MTHFD1L: variants seen among roughly 807,000 people sequenced by gnomAD.
MTHFD1L encodes the protein methylenetetrahydrofolate dehydrogenase (NADP+ dependent) 1 like.
MTHFD1L carries 81 observed loss-of-function variants against 119.5 expected under a neutral mutation model. The observed-to-expected ratio is 0.68, with a 90% CI of 0.57 to 0.82. The LOEUF (loss-of-function observed/expected upper bound fraction) is 0.82, where lower values mean the gene tolerates loss of function less well. Ranked by LOEUF, MTHFD1L falls within the 40% of genes least tolerant of loss-of-function variation. MTHFD1L has a pLI of 0.00. For missense variants in MTHFD1L, 1,125 were observed against 1,253.4 expected (o/e 0.90, Z 1.55); for synonymous variants, 430 against 475.2 (o/e 0.90, Z 1.24).
At position 150,877,808 on chromosome 6, in the gene MTHFD1L, A is replaced by G; in HGVS notation, c.399A>G (p.Pro133=). ...ACATCACTCACATTTGCCTCCCTCC[A>G]GATAGCAGTGAAGCCGAGGTAATAA... is the stretch of plus-strand genomic sequence containing the variant. ...GLNITHICLP[P]DSSEAEIIDE... Residue 133 remains proline (P), a synonymous_variant, in exon 4 of 28, where the codon CCA becomes CCG. Transcript: ENST00000367321. The G allele has an allele frequency of 2.5e-6, 4 of 1,614,238 alleles. No individual in the cohort carries two copies. The highest frequency in any genetic ancestry group is 3.4e-6 in the Non-Finnish European group (4 of 1,180,052).
At chr6:150,896,636 T>G (rs546714917) in intron 7 of MTHFD1L, among the ~76,000 whole-genome samples, 43 of 152,306 alleles carry the variant, frequency 2.8e-4, no homozygotes, top group African/African-American at 1.0e-3. Flanking sequence ...AGCTCACCAC[T>G]TTCCCCTCTT....
chr6:150,871,472 T>TG (rs1036912263), intron 1 of MTHFD1L, among the ~76,000 whole-genome samples: 1 of 150,026 alleles, frequency 6.7e-6, no homozygotes, highest in African/African-American at 2.4e-5. Context: ...CTTTACCAAG[T>TG]ACTTGATATC....
Position 150,922,266 on chromosome 6 carries a change from A to G in MTHFD1L, c.1046A>G (p.His349Arg). ...CAGCAGCACAGGCGGTGGAGACTTCACTGCTTGAAACTTCAGCCTCTCTCC... is the reference window on the plus strand; with the variant it reads ...CAGCAGCACAGGCGGTGGAGACTTCGCTGCTTGAAACTTCAGCCTCTCTCC... ...REQQHRRWRLHCLKLQPLSPV... is the reference protein window; with the variant it reads ...REQQHRRWRLRCLKLQPLSPV... Residue 349 changes from histidine to arginine, a missense_variant, in exon 10 of 28, where the codon CAC becomes CGC. Coordinates refer to ENST00000367321, the MANE Select transcript of MTHFD1L (RefSeq NM_015440.5). 1 of 1,614,046 alleles carries G rather than the reference A, an allele frequency of 6.2e-7. No individual in the cohort carries two copies. The highest frequency in any genetic ancestry group is 8.5e-7 in the Non-Finnish European group (1 of 1,179,944).
chr6:151,089,518 G>A (rs188092481), intron 26 of MTHFD1L, among the ~76,000 whole-genome samples: 10 of 152,300 alleles, frequency 6.6e-5, no homozygotes, highest in East Asian at 3.9e-4. Flanking sequence ...CAGGAGAATC[G>A]CTTGAACCCG....
At chr6:151,044,445 G>A (rs1009397074) in intron 26 of MTHFD1L, among the ~76,000 whole-genome samples, 2 of 151,880 alleles carry the variant, frequency 1.3e-5, no homozygotes, top group South Asian at 2.1e-4. Flanking sequence ...GGGATTACAG[G>A]TGGCCGCCAC....
chr6:151,032,477 C>T (rs1387837899), intron 24 of MTHFD1L, among the ~76,000 whole-genome samples: 3 of 152,054 alleles, frequency 2.0e-5, no homozygotes, highest in Admixed American at 6.6e-5. Flanking sequence ...GGGATCCGCC[C>T]CCGTGATCCA....
rs573033258 is a variant in MTHFD1L, at chr6:150,866,352, G to C, written c.227+303G>C. On this transcript the variant is annotated intron_variant, in intron 1 of 27. Coordinates refer to ENST00000367321, the MANE Select transcript of MTHFD1L (RefSeq NM_015440.5). ...GGCTCCACGTGCGCAGCCGGCCGCC[G>C]GCTCTGATGCAATCGCGCCGGGCGC... 1,309 of 1,427,528 alleles carry C rather than the reference G, an allele frequency of 9.2e-4. 11 individuals are homozygous for C. In the African/African-American group the frequency reaches 0.017, roughly 19 times the overall value. 88.4% of individuals were successfully genotyped at this position (1,427,528 alleles called of 1,614,324 possible).
chr6:150,881,852 AGCTTTCTTTC>A (rs962350449), intron 4 of MTHFD1L, among the ~76,000 whole-genome samples: 1 of 152,188 alleles, frequency 6.6e-6, no homozygotes, highest in African/African-American at 2.4e-5. Context: ...AATGAAACAA[AGCTTTCTTTC>A]TGATTTTGTA....
intron 7 of MTHFD1L, among the ~76,000 whole-genome samples, chr6:150,903,255 T>G (rs1785372536): frequency 7.9e-6 from 1 of 125,996 alleles, no homozygotes; most frequent in Admixed American, 9.6e-5. Context: ...TCTTGCTCCA[T>G]CGCCCAGGCT....
chr6:150,913,262 G>A (rs972332723), intron 8 of MTHFD1L, among the ~76,000 whole-genome samples: 3 of 151,918 alleles, frequency 2.0e-5, no homozygotes, highest in East Asian at 1.9e-4. Context: ...CCGGGTTCAC[G>A]CCATTCTCCT....
chr6:151,060,270 C>T (rs781619990), intron 26 of MTHFD1L, among the ~76,000 whole-genome samples: 9 of 152,154 alleles, frequency 5.9e-5, no homozygotes, highest in Non-Finnish European at 1.0e-4. Context: ...CTCAGATGAA[C>T]GGAGATGATT....
intron 26 of MTHFD1L, among the ~76,000 whole-genome samples, chr6:151,040,777 C>T (rs967713751): frequency 6.6e-6 from 1 of 152,154 alleles, no homozygotes; most frequent in African/African-American, 2.4e-5. Context: ...AACAAATATA[C>T]AATGTGAATC....
At chr6:150,872,925 G>A (rs1299072762) in intron 1 of MTHFD1L, among the ~76,000 whole-genome samples, 2 of 151,194 alleles carry the variant, frequency 1.3e-5, no homozygotes, top group African/African-American at 4.9e-5. Context: ...GCCTCCCAAA[G>A]TGCTGGGATT....
Position 150,876,071 on chromosome 6 carries a change from G to A in MTHFD1L, c.228-19G>A, listed in dbSNP as rs766172912. On this transcript the variant is annotated intron_variant, in intron 1 of 27. Transcript: ENST00000367321. ...TCATTAACCAAGAAATCACAATGTT[G>A]TTTTCTTTCTCAATGTAGAGAAGTC... 6.4e-7 allele frequency: 1 copy of A among 1,556,384 alleles called. No homozygotes were observed.
chr6:150,974,839 C>G (rs546351884), intron 20 of MTHFD1L, among the ~76,000 whole-genome samples: 1 of 151,802 alleles, frequency 6.6e-6, no homozygotes. Context: ...CAGGTTCAAG[C>G]GATCCTCCTA....
chr6:150,982,882 T>C (rs1039288262), intron 20 of MTHFD1L, among the ~76,000 whole-genome samples: 1 of 152,132 alleles, frequency 6.6e-6, no homozygotes, highest in Non-Finnish European at 1.5e-5. Flanking sequence ...GTATTTTTAG[T>C]AGAGATGGGG....
Position 151,039,497 on chromosome 6 carries a change from T to A in MTHFD1L, c.2847+2380T>A, listed in dbSNP as rs9478165. ...TCAAACTCCTGGGCTCAAGCAATCC[T>A]CCCACCTCAGCTTCCCAAGTAGCTG... On this transcript the variant is annotated intron_variant, in intron 26 of 27. Coordinates refer to ENST00000367321, the MANE Select transcript of MTHFD1L (RefSeq NM_015440.5). The surrounding 1 kb of genome is among the most constrained non-coding windows in gnomAD (Gnocchi z 4.4). Among the ~76,000 whole-genome samples, 1,326 of 152,236 alleles carry A rather than the reference T, an allele frequency of 8.7e-3. 17 individuals carry two copies. Among genetic ancestry groups the A allele is most frequent in the African/African-American group, 0.03 (1,254 of 41,532 alleles).
At position 150,926,173 on chromosome 6, in the gene MTHFD1L, C is replaced by T. The variant is rs1165981911; in HGVS notation, c.1134C>T (p.Ala378=). Residue 378 remains alanine (A), a synonymous_variant, in exon 11 of 28, where the codon GCC becomes GCT. Coordinates refer to ENST00000367321, the MANE Select transcript of MTHFD1L (RefSeq NM_015440.5). The surrounding 1 kb of genome is among the most constrained non-coding windows in gnomAD (Gnocchi z 4.3). ...CTCCAAAAGCTGTGGATGTCCTTGC[C>T]AAGGAGATTGGATTGCTTGCAGATG... ...GQTPKAVDVL[A]KEIGLLADEI... 1 of 1,614,002 alleles carries T rather than the reference C, an allele frequency of 6.2e-7. No individual in the cohort carries two copies. Among genetic ancestry groups the T allele is most frequent in the South Asian group, 1.1e-5 (1 of 91,060 alleles).
chr6:150,884,346 T>TAGCCAGGATGGTCTCG (rs1285771254), intron 5 of MTHFD1L, among the ~76,000 whole-genome samples: 1 of 151,962 alleles, frequency 6.6e-6, no homozygotes, highest in East Asian at 2.0e-4. Context: ...TTCACCGTGT[T>TAGCCAGGATGGTCTCG]AGCCAGGATG....
Sources: allele counts gnomAD v4.1 joint callset (sites outside exome capture counted in the v4.1 genomes callset), GRCh38; gene constraint gnomAD v4.1.1; non-coding constraint Gnocchi (gnomAD v3.1); transcripts MANE v1.5; gene names NCBI Gene and HGNC (gene_info 2026-07-23, HGNC 2026-07-21).